Variants in DOCK3 observed in about 807,000 individuals in gnomAD.
The protein encoded by DOCK3 is dedicator of cytokinesis protein 3.
DOCK3 carries 60 observed loss-of-function variants against 265.6 expected under a neutral mutation model. The observed-to-expected ratio is 0.23, with a 90% CI of 0.18 to 0.28. The LOEUF (loss-of-function observed/expected upper bound fraction) is 0.28. Among genes scored for constraint, DOCK3 ranks in the 10% least tolerant of loss-of-function variants. The pLI is 1.00. For synonymous variants in DOCK3, 881 were observed against 938.0 expected, an observed-to-expected ratio of 0.94 and a Z score of 1.11; for missense variants, 1,981 against 2,594.3, an observed-to-expected ratio of 0.76 and a Z score of 5.14.
At position 51,374,498 on chromosome 3, in the gene DOCK3, C is replaced by T; in HGVS notation, c.5323C>T (p.His1775Tyr). The T allele has an allele frequency of 1.2e-6, 2 of 1,613,772 alleles. No homozygotes were observed. The highest frequency in any genetic ancestry group is 2.2e-5 in the South Asian group (2 of 90,968). Residue 1775 changes from histidine (H) to tyrosine (Y), a missense_variant, in exon 50 of 53, where the codon CAT (histidine) becomes TAT (tyrosine). Physicochemically the swap from His to Tyr is moderately conservative, Grantham distance 83 (BLOSUM62 2). Coordinates refer to ENST00000266037, the MANE Select transcript of DOCK3 (RefSeq NM_004947.5). The surrounding 1 kb of genome is among the most constrained non-coding windows in gnomAD (Gnocchi z 4.8). ...TCCCTCTCTGCCAGATAAGTACCGC[C>T]ATGCCCGTGAAATGATGTTGTTGCT... ...GSPSLPDKYR[H>Y]AREMMLLLPT...
chr3:50,942,609 T>C (rs1005013398), intron 5 of DOCK3, among the ~76,000 whole-genome samples: 1 of 152,022 alleles, frequency 6.6e-6, no homozygotes, highest in African/African-American at 2.4e-5. Flanking sequence ...TGAATTTACT[T>C]AACTTGGCTG....
chr3:50,845,179 C>T (rs192714595), intron 3 of DOCK3, among the ~76,000 whole-genome samples: 1 of 151,872 alleles, frequency 6.6e-6, no homozygotes, highest in East Asian at 1.9e-4. Flanking sequence ...GCCGAGATCT[C>T]GTGGACAACA....
chr3:51,265,441 A>C (rs2108812569), intron 23 of DOCK3, among the ~76,000 whole-genome samples: 1 of 152,350 alleles, frequency 6.6e-6, no homozygotes, highest in East Asian at 1.9e-4. Context: ...CATTGATGCG[A>C]AAATCCTCAA....
intron 1 of DOCK3, among the ~76,000 whole-genome samples, chr3:50,727,517 G>C (rs557516600): frequency 5.5e-4 from 84 of 152,260 alleles, no homozygotes; most frequent in South Asian, 6.2e-4. Context: ...GGCCAACATG[G>C]TGAAACCCCA....
At chr3:50,776,697 A>G (rs1271511442) in intron 1 of DOCK3, among the ~76,000 whole-genome samples, 4 of 151,942 alleles carry the variant, frequency 2.6e-5, no homozygotes, top group Non-Finnish European at 5.9e-5. Flanking sequence ...CAGAATTTTT[A>G]TGGTTTCAAG....
intron 33 of DOCK3, 142 bp downstream of exon 33, chr3:51,330,365 C>G (rs1218650171): frequency 1.5e-6 from 1 of 646,474 alleles, no homozygotes; most frequent in African/African-American, 1.8e-5. Context: ...GGTAGCAATG[C>G]TCAACTTCTG....
At chr3:51,071,506 A>G (rs761048671) in intron 6 of DOCK3, among the ~76,000 whole-genome samples, 8 of 152,210 alleles carry the variant, frequency 5.3e-5, no homozygotes, top group Non-Finnish European at 2.9e-5. Context: ...CACAATCCCT[A>G]TAACTCTAAG....
Position 51,341,219 on chromosome 3 carries a change from T to A in DOCK3, c.3767-18T>A. On this transcript the variant is annotated intron_variant, in intron 37 of 52. Coordinates refer to ENST00000266037, the MANE Select transcript of DOCK3 (RefSeq NM_004947.5). ...AGCAAGGGAAGCCCCTGGACCTCCA[T>A]GCTGTCTGTCCCCACAGAGGCCGCA... The A allele has an allele frequency of 6.4e-7, 1 of 1,554,986 alleles. No individual in the cohort carries two copies. Among genetic ancestry groups the A allele is most frequent in the South Asian group, 1.2e-5 (1 of 80,168 alleles).
intron 1 of DOCK3, among the ~76,000 whole-genome samples, chr3:50,728,774 G>C (rs2037998322): frequency 6.6e-6 from 1 of 151,012 alleles, no homozygotes; most frequent in Non-Finnish European, 1.5e-5. Flanking sequence ...CCAGGCTGGA[G>C]TGCAGTGGTG....
At chr3:50,879,902 G>T (rs547809702) in intron 3 of DOCK3, among the ~76,000 whole-genome samples, 2 of 152,134 alleles carry the variant, frequency 1.3e-5, no homozygotes, top group African/African-American at 2.4e-5. Context: ...CTCAGCAAAT[G>T]TAAAAGAATA....
intron 38 of DOCK3, among the ~76,000 whole-genome samples, chr3:51,345,322 CT>C (rs552889160): frequency 6.6e-6 from 1 of 152,210 alleles, no homozygotes; most frequent in Non-Finnish European, 1.5e-5. Context: ...ATTTGAAATT[CT>C]GTTTGGCTGG....
intron 2 of DOCK3, among the ~76,000 whole-genome samples, chr3:50,815,973 G>T (rs1204247047): frequency 1.3e-5 from 2 of 151,828 alleles, no homozygotes; most frequent in Non-Finnish European, 2.9e-5. Flanking sequence ...AAGCAGAGAG[G>T]ACTTTTATTA....
At position 50,788,031 on chromosome 3, in the gene DOCK3, C is replaced by CG. The variant is rs1285908213; in HGVS notation, c.121+9273_121+9274insG. 6.8e-6 allele frequency: 5 copies of CG among 736,996 alleles called. No individual in the cohort carries two copies. The Admixed American group carries it at 8.9e-5, about 13-fold the overall frequency. The allele number at this position is 736,996 out of a possible 1,614,324, so 45.7% of individuals were successfully genotyped here. On this transcript the variant is annotated intron_variant, in intron 2 of 52. Transcript: ENST00000266037. Reference sequence around the variant, plus strand: ...TTAATAGCATGCACATCAGACTCTGCTCCTGTCTCCCTGAAATGTGGCTGT... The same window carrying CG: ...TTAATAGCATGCACATCAGACTCTGCGTCCTGTCTCCCTGAAATGTGGCTGT...
chr3:50,851,024 A>G (rs557796304), intron 3 of DOCK3, among the ~76,000 whole-genome samples: 144 of 152,292 alleles, frequency 9.5e-4, no homozygotes, highest in African/African-American at 3.3e-3. Flanking sequence ...AGGTCTGCCT[A>G]TAGGTCCTCT....
intron 1 of DOCK3, among the ~76,000 whole-genome samples, chr3:50,764,210 A>G (rs1464703796): frequency 6.6e-6 from 1 of 152,100 alleles, no homozygotes; most frequent in Non-Finnish European, 1.5e-5. Context: ...GTATTCTTTT[A>G]GCACAGATTT....
At chr3:51,223,042 G>T (rs575477994) in intron 14 of DOCK3, among the ~76,000 whole-genome samples, 1 of 152,106 alleles carries the variant, frequency 6.6e-6, no homozygotes, top group Admixed American at 6.6e-5. Context: ...GGGCTCAAGC[G>T]ATCCTCCCTC....
At chr3:50,785,016 G>C (rs1361463568) in intron 2 of DOCK3, among the ~76,000 whole-genome samples, 2 of 152,178 alleles carry the variant, frequency 1.3e-5, no homozygotes, top group Non-Finnish European at 2.9e-5. Flanking sequence ...AATTAGCTGG[G>C]GGTGGTGGTG....
At chr3:51,174,358 A>G (rs2086835918) in intron 12 of DOCK3, among the ~76,000 whole-genome samples, 1 of 152,160 alleles carries the variant, frequency 6.6e-6, no homozygotes, top group Non-Finnish European at 1.5e-5. Context: ...AATCCCAGCT[A>G]CTTGGCAGGC....
intron 32 of DOCK3, among the ~76,000 whole-genome samples, chr3:51,324,375 G>A (rs2083946600): frequency 6.6e-6 from 1 of 152,138 alleles, no homozygotes; most frequent in Admixed American, 6.5e-5. Flanking sequence ...GGATGTGAAG[G>A]ACCCCGTCAA....
Sources: gnomAD v4.1 joint callset for allele counts (sites outside exome capture counted in the v4.1 genomes callset) on GRCh38, gnomAD v4.1.1 for gene constraint, Gnocchi (gnomAD v3.1) non-coding constraint, MANE v1.5 for transcripts, NCBI Gene and HGNC (gene_info 2026-07-23, HGNC 2026-07-21) for gene names.